ZSWIM9: variants seen among roughly 807,000 people sequenced by gnomAD.
ZSWIM9 encodes uncharacterized protein ZSWIM9.
ZSWIM9 carries 11 observed loss-of-function variants against 25.0 expected under a neutral mutation model. The observed-to-expected ratio is 0.44, with a 90% CI of 0.28 to 0.73. The LOEUF is 0.73. Among genes scored for constraint, ZSWIM9 ranks in the 30% least tolerant of loss-of-function variants. The probability of loss-of-function intolerance (pLI) is 0.16; values close to 1 mark genes in which losing one functional copy is unlikely to be tolerated. For missense variants in ZSWIM9, 1,070 were observed against 1,296.5 expected (o/e 0.83, Z 2.68); for synonymous variants, 562 against 582.1 (o/e 0.97, Z 0.50).
chr19:48,183,774 C>T (rs968015886), intron 3 of ZSWIM9, among the ~76,000 whole-genome samples: 2 of 147,836 alleles, frequency 1.4e-5, no homozygotes, highest in African/African-American at 5.2e-5. Context: ...GCAGCTGGGA[C>T]AACAGGCGTG....
rs1266291531 is a variant in ZSWIM9 at position 48,182,963 on chromosome 19, C to T, written c.588+196C>T. On this transcript the variant is annotated intron_variant, in intron 3 of 3. Transcript: ENST00000614654. The surrounding 1 kb of genome is among the most constrained non-coding windows in gnomAD (Gnocchi z 4.6). ...ACCAGACCCACGTGGTCTCTGTCCGCAGAGAGCTTACCTTCTAGGGTAGTG... is the reference window on the plus strand; with the variant it reads ...ACCAGACCCACGTGGTCTCTGTCCGTAGAGAGCTTACCTTCTAGGGTAGTG... The T allele has an allele frequency of 1.7e-6, 1 of 593,120 alleles. No individual in the cohort carries two copies. The highest frequency in any genetic ancestry group is 3.0e-6 in the Non-Finnish European group (1 of 333,314). The allele number at this position is 593,120 out of a possible 1,614,324, so 36.7% of individuals were successfully genotyped here. A position where few individuals can be genotyped will look rare whatever the true frequency, so the allele number is the denominator to read the frequency against.
At chr19:48,192,814 A>G (rs1336515753) in intron 3 of ZSWIM9, among the ~76,000 whole-genome samples, 2 of 152,138 alleles carry the variant, frequency 1.3e-5, no homozygotes, top group Admixed American at 1.3e-4. Context: ...GAGTAAAATC[A>G]GCAAAGGCAA....
chr19:48,175,943 C>T (rs756700812), intron 2 of ZSWIM9, among the ~76,000 whole-genome samples: 2 of 152,328 alleles, frequency 1.3e-5, no homozygotes, highest in Non-Finnish European at 1.5e-5. Flanking sequence ...CGGTGGCTCT[C>T]GCCTGTAATC....
At chr19:48,181,788 A>C (rs2036950805) in intron 2 of ZSWIM9, 1 of 152,120 alleles carries the variant, frequency 6.6e-6, no homozygotes. Context: ...GTGTAGTGGC[A>C]TTTCCTTAGG....
chr19:48,195,210 G>A lies in ZSWIM9; in HGVS notation c.1146G>A (p.Glu382=). 6.5e-7 allele frequency: 1 copy of A among 1,527,084 alleles called. No homozygotes were observed. The highest frequency in any genetic ancestry group is 8.8e-7 in the Non-Finnish European group (1 of 1,141,814). 94.6% of individuals were successfully genotyped at this position (1,527,084 alleles called of 1,614,324 possible). ...AFVDYFERNW[E]PRRDMWVRFR... ...TGGACTACTTCGAGCGCAACTGGGA[G>A]CCCCGCCGCGACATGTGGGTCCGCT... The change falls in exon 4 of 4, where the codon GAG becomes GAA. Residue 382 remains glutamate (E), a synonymous_variant. Coordinates refer to ENST00000614654, the MANE Select transcript of ZSWIM9 (RefSeq NM_199341.4). This position sits in a 1 kb window ranked among gnomAD's most constrained non-coding sequence, Gnocchi z 5.8.
intron 2 of ZSWIM9, chr19:48,174,961 TTA>T (rs2036877782): frequency 6.6e-6 from 1 of 151,808 alleles, no homozygotes; most frequent in South Asian, 2.1e-4. Context: ...CAAAAAAAAA[TTA>T]TAGATAGTGG....
intron 2 of ZSWIM9, among the ~76,000 whole-genome samples, chr19:48,175,813 C>T (rs1335233415): frequency 1.3e-5 from 2 of 152,198 alleles, no homozygotes; most frequent in African/African-American, 4.8e-5. Context: ...CCCCATCCCT[C>T]TCTCTCAGCA....
chr19:48,194,242 G>A lies in ZSWIM9; in HGVS notation c.589-411G>A, dbSNP rs1050873898. ...GACTCAGTGGGTCTGAGGTGGCCCC[G>A]AGAAGGTGCATTTCTGTCCAGGTCC... On this transcript the variant is annotated intron_variant, in intron 3 of 3. Coordinates refer to ENST00000614654, the MANE Select transcript of ZSWIM9 (RefSeq NM_199341.4). This position sits in a 1 kb window ranked among gnomAD's most constrained non-coding sequence, Gnocchi z 6.0. 6.6e-6 allele frequency among the ~76,000 whole-genome samples: 1 copy of A among 152,220 alleles called. No homozygotes were observed. Among genetic ancestry groups the A allele is most frequent in the African/African-American group, 2.4e-5 (1 of 41,534 alleles).
chr19:48,175,973 AG>A (rs1406519560), intron 2 of ZSWIM9, among the ~76,000 whole-genome samples: 7 of 152,244 alleles, frequency 4.6e-5, no homozygotes, highest in Non-Finnish European at 7.3e-5. Context: ...TGGGAGGCCG[AG>A]GCGGGCAGAT....
rs369454865 is a variant in ZSWIM9 at position 48,192,498 on chromosome 19, T to TATATATATACACAC, written c.589-2154_589-2153insTATATATACACACA. Among the ~76,000 whole-genome samples the TATATATATACACAC allele has an allele frequency of 6.1e-3, 127 of 20,718 alleles. 2 individuals are homozygous for TATATATATACACAC. The highest frequency in any genetic ancestry group is 9.1e-3 in the Non-Finnish European group (88 of 9,666). The allele number at this position is 20,718 out of a possible 152,430, so 13.6% of individuals were successfully genotyped here. A position where few individuals can be genotyped will look rare whatever the true frequency, so the allele number is the denominator to read the frequency against. Reference sequence around the variant, plus strand: ...AAAAAAAAATATATATATATATATATACACACACACACACACACACATTTA... The same window carrying TATATATATACACAC: ...AAAAAAAAATATATATATATATATATATATATATACACACACACACACACACACACACACATTTA... On this transcript the variant is annotated intron_variant, in intron 3 of 3. Coordinates refer to ENST00000614654, the MANE Select transcript of ZSWIM9 (RefSeq NM_199341.4).
rs1323634260 is a variant in ZSWIM9, at chr19:48,196,516, G to A, written c.2452G>A (p.Val818Met). The change falls in exon 4 of 4, where the codon GTG becomes ATG. Residue 818 changes from valine (V) to methionine (M), a missense_variant. This residue lies in a region of ZSWIM9 where 583 missense variants were observed against 624.7 expected (regional missense o/e 0.93). Coordinates refer to ENST00000614654, the MANE Select transcript of ZSWIM9 (RefSeq NM_199341.4). The part of the protein sequence containing the change: ...RLCRPPGEEE[V>M]DWEPLAKFRA... ...TTGCCGACCCCCGGGAGAGGAGGAG[G>A]TGGACTGGGAACCCCTGGCCAAATT... 2 of 1,232,468 alleles carry A rather than the reference G, an allele frequency of 1.6e-6. No individual in the cohort carries two copies. Among genetic ancestry groups the A allele is most frequent in the East Asian group, 6.3e-5 (2 of 31,694 alleles). 76.3% of individuals were successfully genotyped at this position (1,232,468 alleles called of 1,614,324 possible).
intron 2 of ZSWIM9, among the ~76,000 whole-genome samples, chr19:48,173,784 G>A (rs564840211): frequency 1.8e-4 from 27 of 152,044 alleles, no homozygotes; most frequent in African/African-American, 6.3e-4. Flanking sequence ...TTACAGGCAT[G>A]CGCCACCATG....
At chr19:48,178,049 C>T (rs753247189) in intron 2 of ZSWIM9, among the ~76,000 whole-genome samples, 1 of 152,198 alleles carries the variant, frequency 6.6e-6, no homozygotes, top group Non-Finnish European at 1.5e-5. Flanking sequence ...AGGTGCCCGC[C>T]ACCACGCTCA....
In ZSWIM9 at chr19:48,195,402, G is replaced by T. The variant is rs1165317997; in HGVS notation, c.1338G>T (p.Gly446=). The change falls in exon 4 of 4, where the codon GGG becomes GGT. Residue 446 remains glycine (G), a synonymous_variant. Coordinates refer to ENST00000614654, the MANE Select transcript of ZSWIM9 (RefSeq NM_199341.4). The surrounding 1 kb of genome is among the most constrained non-coding windows in gnomAD (Gnocchi z 5.8). ...ADAAGEAVPE[G]PDGGGPWLED... is the part of the protein sequence containing the mutation. ...CGGCCGGGGAGGCGGTGCCCGAGGG[G>T]CCCGATGGCGGGGGGCCTTGGCTGG... is the stretch of plus-strand genomic sequence containing the variant. 4 of 1,469,830 alleles carry T rather than the reference G, an allele frequency of 2.7e-6. No homozygotes were observed. The highest frequency in any genetic ancestry group is 2.0e-4 in the Middle Eastern group (1 of 5,010). 91.0% of individuals were successfully genotyped at this position (1,469,830 alleles called of 1,614,324 possible).
At chr19:48,172,618 T>G (rs760140857) in intron 2 of ZSWIM9, among the ~76,000 whole-genome samples, 12 of 152,058 alleles carry the variant, frequency 7.9e-5, no homozygotes, top group Non-Finnish European at 1.3e-4. Flanking sequence ...AGTTCAAGCG[T>G]TGTTTCTCCT....
Position 48,196,792 on chromosome 19 carries a change from C to T in ZSWIM9, c.2728C>T (p.Leu910Phe). ...GGCTGCCTTATTCCACATGGACCTG[C>T]TCAGGGATTGCTGGGGGAGAGCCCC... is the stretch of plus-strand genomic sequence containing the variant. ...TGAALFHMDLLRDCWGRAPEP is the reference protein window; with the variant it reads ...TGAALFHMDLFRDCWGRAPEP Residue 910 changes from leucine to phenylalanine, a missense_variant, in exon 4 of 4, where the codon CTC becomes TTC. Around this residue, in one of 4 missense-constraint regions of ZSWIM9, gnomAD observed 583 missense variants for 624.7 expected, o/e 0.93. Coordinates refer to ENST00000614654, the MANE Select transcript of ZSWIM9 (RefSeq NM_199341.4). The T allele has an allele frequency of 1.6e-6, 2 of 1,236,348 alleles. No individual in the cohort carries two copies. The highest frequency in any genetic ancestry group is 3.1e-4 in the Middle Eastern group (1 of 3,216). 76.6% of individuals were successfully genotyped at this position (1,236,348 alleles called of 1,614,324 possible).
chr19:48,181,481 A>G (rs569679459), intron 2 of ZSWIM9: 7 of 152,328 alleles, frequency 4.6e-5, no homozygotes, highest in South Asian at 4.1e-4. Flanking sequence ...TTAGGAATAT[A>G]CCACAACTTA....
intron 3 of ZSWIM9, among the ~76,000 whole-genome samples, chr19:48,184,981 AC>A (rs1303510787): frequency 2.6e-5 from 4 of 151,952 alleles, no homozygotes; most frequent in Non-Finnish European, 5.9e-5. Context: ...TCTTCCCTGA[AC>A]CCACCCTCTG....
chr19:48,194,369 C>T lies in ZSWIM9; in HGVS notation c.589-284C>T, dbSNP rs548060813. On this transcript the variant is annotated intron_variant, in intron 3 of 3. Transcript: ENST00000614654. The surrounding 1 kb of genome is among the most constrained non-coding windows in gnomAD (Gnocchi z 6.0). The stretch of plus-strand genomic sequence containing the variant: ...GGAGGAATGAATAGCCAGCTTCCGG[C>T]GGAGGAAACTGAGGCTCAGAGAAGC... 2.0e-5 allele frequency among the ~76,000 whole-genome samples: 3 copies of T among 152,196 alleles called. No homozygotes were observed. The highest frequency in any genetic ancestry group is 7.2e-5 in the African/African-American group (3 of 41,516).
Sources: gnomAD v4.1 joint callset for allele counts (sites outside exome capture counted in the v4.1 genomes callset) on GRCh38, gnomAD v4.1.1 for gene constraint, gnomAD v4.1.1 regional missense constraint, Gnocchi (gnomAD v3.1) non-coding constraint, MANE v1.5 for transcripts, NCBI Gene and HGNC (gene_info 2026-07-23, HGNC 2026-07-21) for gene names.